The following ZNF569 variants were observed in gnomAD, a reference collection of about 807,000 sequenced individuals.
ZNF569 encodes the protein DNA-binding protein.
ZNF569 carries 38 observed loss-of-function variants against 56.3 expected under a neutral mutation model. The observed-to-expected ratio is 0.68, with a 90% confidence interval of 0.52 to 0.88. The LOEUF is 0.88. ZNF569 is among the 40% of genes least tolerant of loss of function. ZNF569 has a pLI of 0.00. For synonymous variants in ZNF569, 241 were observed against 262.9 expected (o/e 0.92, Z 0.81); for missense variants, 666 against 809.2 (o/e 0.82, Z 2.15).
chr19:37,458,643 A>C (rs892321742), intron 2 of ZNF569, among the ~76,000 whole-genome samples: 1 of 152,190 alleles, frequency 6.6e-6, no homozygotes, highest in Non-Finnish European at 1.5e-5. Context: ...TCTAAGTAGG[A>C]CTGTGAACCA....
chr19:37,421,602 G>C (rs1232055853), intron 5 of ZNF569, among the ~76,000 whole-genome samples: 1 of 152,056 alleles, frequency 6.6e-6, no homozygotes, highest in Admixed American at 6.5e-5. Context: ...TTAGGGGCTT[G>C]TCCTGGATTA....
upstream of ZNF569, chr19:37,469,223 C>T (rs559970306): frequency 3.3e-4 from 436 of 1,323,516 alleles, 2 homozygotes; most frequent in Middle Eastern, 1.2e-3. Context: ...AAACCCTGCG[C>T]GGAGCTGCAC....
Position 37,444,912 on chromosome 19 carries a change from A to T in ZNF569, c.10T>A (p.Ser4Thr), listed in dbSNP as rs2041468097. The change falls in exon 3 of 6, where the codon TCC (serine) becomes ACC (threonine). Residue 4 changes from serine to threonine, a missense_variant. By Grantham distance (58) the Ser-to-Thr change is moderately conservative. Transcript: ENST00000316950. ...ATACACTATTTAACATTTACCTGGG[A>T]CTCAGTCATTTCCTCTTCTTTCTGG... Reference protein sequence around the residue: MTESQGTVTFKDVA... With the variant: MTETQGTVTFKDVA... 1 of 1,608,736 alleles carries T rather than the reference A, an allele frequency of 6.2e-7. No individual in the cohort carries two copies. Among genetic ancestry groups the T allele is most frequent in the South Asian group, 1.1e-5 (1 of 89,916 alleles).
intron 3 of ZNF569, among the ~76,000 whole-genome samples, chr19:37,444,246 A>G (rs1050205088): frequency 2.0e-4 from 30 of 152,276 alleles, no homozygotes; most frequent in African/African-American, 3.9e-4. Context: ...TCTGACTTCT[A>G]TCACAATACA....
intron 2 of ZNF569, among the ~76,000 whole-genome samples, chr19:37,455,479 A>T (rs548632038): frequency 1.3e-5 from 2 of 152,326 alleles, no homozygotes; most frequent in Non-Finnish European, 2.9e-5. Flanking sequence ...GATACAGTTA[A>T]AATGCTTACA....
At position 37,426,339 on chromosome 19, in the gene ZNF569, G is replaced by A; in HGVS notation, c.55C>T (p.Gln19Ter). Reference protein sequence around the residue: ...TFKDVAIDFTQEEWKRLDPAQ... With the variant: ...TFKDVAIDFT ...GGATCCAATCTCTTCCACTCCTCCT[G>A]AGTGAAGTCGATAGCCACATCTTTG... Residue 19 changes from glutamine to a stop codon, truncating the protein, a stop_gained, in exon 4 of 6, where the codon CAG becomes TAG. Coordinates refer to ENST00000316950, the MANE Select transcript of ZNF569 (RefSeq NM_152484.3). LOFTEE classifies it high-confidence loss of function. 7 of 1,612,834 alleles carry A rather than the reference G, an allele frequency of 4.3e-6. No homozygotes were observed. The highest frequency in any genetic ancestry group is 5.9e-6 in the Non-Finnish European group (7 of 1,179,530).
chr19:37,446,859 C>T (rs1210461715), intron 2 of ZNF569, among the ~76,000 whole-genome samples: 1 of 151,968 alleles, frequency 6.6e-6, no homozygotes, highest in Non-Finnish European at 1.5e-5. Flanking sequence ...ATCTATACAT[C>T]CAAAAAAGGA....
At chr19:37,444,145 C>G (rs1245127967) in intron 3 of ZNF569, among the ~76,000 whole-genome samples, 1 of 152,050 alleles carries the variant, frequency 6.6e-6, no homozygotes, top group Non-Finnish European at 1.5e-5. Flanking sequence ...ACATGGGTAC[C>G]TACCAGTAAG....
chr19:37,455,768 C>T (rs1009996385), intron 2 of ZNF569, among the ~76,000 whole-genome samples: 3 of 152,056 alleles, frequency 2.0e-5, no homozygotes, highest in Non-Finnish European at 2.9e-5. Flanking sequence ...CTTTGCAACA[C>T]ATGTTTAAAT....
chr19:37,446,065 A>G (rs1378711293), intron 2 of ZNF569, among the ~76,000 whole-genome samples: 5 of 152,256 alleles, frequency 3.3e-5, no homozygotes, highest in African/African-American at 1.2e-4. Context: ...ATAAGACCAC[A>G]GTCACCAAAA....
chr19:37,452,235 C>A (rs551051084), intron 2 of ZNF569, among the ~76,000 whole-genome samples: 2 of 152,324 alleles, frequency 1.3e-5, no homozygotes, highest in African/African-American at 4.8e-5. Context: ...ATAACTGTCA[C>A]AATTCACATC....
chr19:37,444,063 C>T (rs1002125741), intron 3 of ZNF569, among the ~76,000 whole-genome samples: 2 of 152,038 alleles, frequency 1.3e-5, no homozygotes, highest in African/African-American at 4.8e-5. Flanking sequence ...TTATGTATGA[C>T]ATGCATAGAG....
At chr19:37,420,124 T>G (rs1003481577) in intron 5 of ZNF569, among the ~76,000 whole-genome samples, 2 of 151,770 alleles carry the variant, frequency 1.3e-5, no homozygotes, top group Non-Finnish European at 2.9e-5. Flanking sequence ...GTAGCTGGGA[T>G]TACAGGTGTG....
intron 3 of ZNF569, among the ~76,000 whole-genome samples, chr19:37,429,714 C>T (rs2041194730): frequency 6.6e-6 from 1 of 152,200 alleles, no homozygotes; most frequent in Non-Finnish European, 1.5e-5. Context: ...AAAGTCTGGA[C>T]TATTACACTT....
At chr19:37,441,782 T>C (rs575659139) in intron 3 of ZNF569, among the ~76,000 whole-genome samples, 117 of 152,300 alleles carry the variant, frequency 7.7e-4, no homozygotes, top group African/African-American at 2.7e-3. Context: ...AGGAGGCCAG[T>C]TGATAAAGAG....
At chr19:37,419,559 T>G (rs2040994211) in intron 5 of ZNF569, among the ~76,000 whole-genome samples, 1 of 151,928 alleles carries the variant, frequency 6.6e-6, no homozygotes, top group Admixed American at 6.6e-5. Flanking sequence ...CTGTCTCTAC[T>G]AAAAATTCAA....
chr19:37,421,004 G>A (rs1043647120), intron 5 of ZNF569, among the ~76,000 whole-genome samples: 1 of 152,176 alleles, frequency 6.6e-6, no homozygotes, highest in Non-Finnish European at 1.5e-5. Flanking sequence ...GAGCTCCTGG[G>A]TGACCAAGTG....
At chr19:37,456,616 C>T (rs1725329494) in intron 2 of ZNF569, among the ~76,000 whole-genome samples, 2 of 152,074 alleles carry the variant, frequency 1.3e-5, no homozygotes, top group African/African-American at 2.4e-5. Context: ...CCCTCTAGTT[C>T]ACTCTAAACA....
intron 2 of ZNF569, among the ~76,000 whole-genome samples, chr19:37,446,249 T>C (rs368884189): frequency 9.2e-5 from 14 of 152,258 alleles, no homozygotes; most frequent in African/African-American, 3.4e-4. Flanking sequence ...GCAAGCCATA[T>C]GTAGAAGAAT....
Sources: allele counts gnomAD v4.1 joint callset (sites outside exome capture counted in the v4.1 genomes callset), GRCh38; gene constraint gnomAD v4.1.1; transcripts MANE v1.5; gene names NCBI Gene and HGNC (gene_info 2026-07-23, HGNC 2026-07-21).